The following RORA variants were observed in gnomAD, a reference collection of about 807,000 sequenced individuals.
RORA encodes nuclear receptor ROR-alpha.
Under a neutral mutation model 69.5 loss-of-function variants are expected in RORA, and 7 were observed. The observed-to-expected ratio is 0.10, with a 90% CI of 0.06 to 0.19. The LOEUF (loss-of-function observed/expected upper bound fraction) is 0.19. Ranked by LOEUF, RORA falls within the 10% of genes least tolerant of loss-of-function variation. The pLI is 1.00. For synonymous variants in RORA, 261 were observed against 240.8 expected (o/e 1.08, Z -0.78); for missense variants, 457 against 663.0 (o/e 0.69, Z 3.41).
chr15:60,628,888 A>C (rs981615348), intron 2 of RORA, among the ~76,000 whole-genome samples: 1 of 152,230 alleles, frequency 6.6e-6, no homozygotes, highest in Non-Finnish European at 1.5e-5. Flanking sequence ...TGAAGTCAGC[A>C]TCTGTGTGAA....
chr15:60,962,038 T>C (rs1046221053), intron 1 of RORA, among the ~76,000 whole-genome samples: 2 of 152,190 alleles, frequency 1.3e-5, no homozygotes, highest in Non-Finnish European at 2.9e-5. Context: ...CCTGACCGAG[T>C]GCTGTTTTCT....
chr15:60,974,031 T>C (rs745421157), intron 1 of RORA, among the ~76,000 whole-genome samples: 2 of 152,212 alleles, frequency 1.3e-5, no homozygotes, highest in Non-Finnish European at 2.9e-5. Flanking sequence ...CAAACCTCTG[T>C]TAATTGACTT....
chr15:61,187,582 A>G (rs1273315150), intron 1 of RORA, among the ~76,000 whole-genome samples: 2 of 152,214 alleles, frequency 1.3e-5, no homozygotes, highest in Admixed American at 6.5e-5. Flanking sequence ...CCTCTTCCAC[A>G]GGGAACAGCG....
intron 1 of RORA, among the ~76,000 whole-genome samples, chr15:60,766,466 G>A (rs921595272): frequency 5.9e-5 from 9 of 152,160 alleles, no homozygotes; most frequent in African/African-American, 1.9e-4. Flanking sequence ...CTGCTGTCAA[G>A]CCCAAACACC....
At chr15:61,178,235 C>A (rs1409487886) in intron 1 of RORA, among the ~76,000 whole-genome samples, 1 of 152,178 alleles carries the variant, frequency 6.6e-6, no homozygotes, top group Non-Finnish European at 1.5e-5. Flanking sequence ...CTAGCTACAT[C>A]CTGACTTTCC....
chr15:60,509,775 G>A (rs1310983583), intron 5 of RORA, among the ~76,000 whole-genome samples: 2 of 134,340 alleles, frequency 1.5e-5, no homozygotes, highest in Non-Finnish European at 3.2e-5. Context: ...AAAATGGAAG[G>A]TTTTTGTTCT....
rs182597266 is a variant in RORA at position 60,632,461 on chromosome 15, G to A, written c.196+46196C>T. On this transcript the variant is annotated intron_variant, in intron 2 of 10. Coordinates refer to ENST00000335670, the MANE Select transcript of RORA (RefSeq NM_134261.3). ...GATAGACTTAGGTGTAGGTTGGCCC[G>A]AGAAAATGCAGGGTTCCCAGTTAAA... Among the ~76,000 whole-genome samples, 3 of 152,208 alleles carry A rather than the reference G, an allele frequency of 2.0e-5. No individual in the cohort carries two copies. In the East Asian group the frequency reaches 5.8e-4, roughly 29 times the overall value.
At chr15:60,555,921 C>T (rs2067344714) in intron 2 of RORA, among the ~76,000 whole-genome samples, 2 of 152,112 alleles carry the variant, frequency 1.3e-5, no homozygotes, top group South Asian at 4.1e-4. Flanking sequence ...GTTTCTATTT[C>T]CGGCCTTTAC....
rs1224941940 is a variant in RORA, at chr15:60,943,777, G to A, written c.167-265091C>T. ...CTAAAATACAAAAAATTAGCCAGGCGTGGTAGCGTGTGCCTGTAATCCCAG... is the reference window on the plus strand; with the variant it reads ...CTAAAATACAAAAAATTAGCCAGGCATGGTAGCGTGTGCCTGTAATCCCAG... On this transcript the variant is annotated intron_variant, in intron 1 of 10. Transcript: ENST00000335670. 7.3e-5 allele frequency among the ~76,000 whole-genome samples: 11 copies of A among 151,460 alleles called. No homozygotes were observed. In the East Asian group the frequency reaches 7.7e-4, roughly 11 times the overall value.
chr15:60,761,826 G>C (rs376679237), intron 1 of RORA, among the ~76,000 whole-genome samples: 45 of 152,178 alleles, frequency 3.0e-4, no homozygotes, highest in African/African-American at 1.0e-3. Flanking sequence ...ACTTATGCAC[G>C]GTTCAGTTTC....
intron 1 of RORA, among the ~76,000 whole-genome samples, chr15:60,777,413 T>C (rs1284412936): frequency 2.0e-5 from 3 of 152,208 alleles, no homozygotes; most frequent in Non-Finnish European, 2.9e-5. Flanking sequence ...GCAAATCACC[T>C]TGCCTCTCTG....
intron 1 of RORA, among the ~76,000 whole-genome samples, chr15:61,187,653 C>G (rs2079757342): frequency 6.6e-6 from 1 of 152,184 alleles, no homozygotes; most frequent in South Asian, 2.1e-4. Flanking sequence ...GACCATTAAT[C>G]ACATTTGTAT....
At chr15:61,081,765 GC>G (rs1366333605) in intron 1 of RORA, among the ~76,000 whole-genome samples, 1 of 146,686 alleles carries the variant, frequency 6.8e-6, no homozygotes, top group Non-Finnish European at 1.5e-5. Context: ...CCGAGATCAC[GC>G]CACCGCACTC....
intron 1 of RORA, among the ~76,000 whole-genome samples, chr15:61,154,700 G>C (rs2079427461): frequency 6.6e-6 from 1 of 152,196 alleles, no homozygotes; most frequent in Admixed American, 6.5e-5. Flanking sequence ...ATTCTGGTAT[G>C]TTTCATCAAG....
chr15:60,877,413 G>A (rs1292489832), intron 1 of RORA, among the ~76,000 whole-genome samples: 1 of 152,168 alleles, frequency 6.6e-6, no homozygotes, highest in African/African-American at 2.4e-5. Context: ...ATGAATGAAT[G>A]AGTGTTCTTA....
intron 1 of RORA, among the ~76,000 whole-genome samples, chr15:60,717,001 ACCCTCAACTTAAAGCTGGTTGG>A (rs1415947211): frequency 6.6e-6 from 1 of 152,168 alleles, no homozygotes; most frequent in African/African-American, 2.4e-5. Context: ...GGGTGGTGGG[ACCCTCAACTTAAAGCTGGTTGG>A]CCAGACGTTC....
intron 1 of RORA, among the ~76,000 whole-genome samples, chr15:61,005,361 T>C (rs1264708937): frequency 6.6e-6 from 1 of 152,104 alleles, no homozygotes; most frequent in Non-Finnish European, 1.5e-5. Flanking sequence ...GCGCCTGTAA[T>C]ACCAGCTACT....
chr15:61,221,086 C>G (rs1246240970), intron 1 of RORA, among the ~76,000 whole-genome samples: 1 of 152,192 alleles, frequency 6.6e-6, no homozygotes, highest in African/African-American at 2.4e-5. Flanking sequence ...AGAGAAATGT[C>G]TGGGTCTAGA....
chr15:61,158,106 T>C (rs923123498), intron 1 of RORA, among the ~76,000 whole-genome samples: 3 of 152,190 alleles, frequency 2.0e-5, no homozygotes, highest in African/African-American at 7.2e-5. Context: ...GTGACCACTA[T>C]CCCAAATGGA....
Sources: allele counts gnomAD v4.1 joint callset (sites outside exome capture counted in the v4.1 genomes callset), GRCh38; gene constraint gnomAD v4.1.1; transcripts MANE v1.5; gene names NCBI Gene and HGNC (gene_info 2026-07-23, HGNC 2026-07-21).